Variants in VAPB observed in about 807,000 individuals in gnomAD.
VAPB encodes the protein VAMP associated protein B and C.
A neutral mutation model predicts 25.6 loss-of-function variants in VAPB; 7 were observed. The ratio of observed to expected loss-of-function variants is 0.27; its 90% CI spans 0.16 to 0.51. VAPB has a LOEUF of 0.51. Among genes scored for constraint, VAPB ranks in the 20% least tolerant of loss-of-function variants. The probability of loss-of-function intolerance (pLI) is 0.97; values close to 1 mark genes in which losing one functional copy is unlikely to be tolerated. For synonymous variants in VAPB, 112 were observed against 109.2 expected (o/e 1.03, Z -0.16); for missense variants, 266 against 301.3 (o/e 0.88, Z 0.87).
chr20:58,402,991 C>G (rs1988135626), intron 1 of VAPB, among the ~76,000 whole-genome samples: 1 of 152,004 alleles, frequency 6.6e-6, no homozygotes, highest in Non-Finnish European at 1.5e-5. Flanking sequence ...GGTGACAGAG[C>G]AAGACTGTAT....
chr20:58,433,023 T>G (rs1218322527), intron 2 of VAPB, among the ~76,000 whole-genome samples: 7 of 152,244 alleles, frequency 4.6e-5, no homozygotes, highest in African/African-American at 1.7e-4. Flanking sequence ...CCAGTGCATT[T>G]AAGTCCAATG....
intron 2 of VAPB, among the ~76,000 whole-genome samples, chr20:58,423,328 C>T (rs112862906): frequency 0.11 from 14,925 of 139,364 alleles, 905 homozygotes; most frequent in East Asian, 0.29. Context: ...AGGAGAATCA[C>T]TTGAGCCTGG....
intron 1 of VAPB, among the ~76,000 whole-genome samples, chr20:58,396,702 A>G (rs889564320): frequency 4.6e-5 from 7 of 152,240 alleles, no homozygotes; most frequent in African/African-American, 1.7e-4. Flanking sequence ...TGGCTGACAT[A>G]CATTTTGCAA....
chr20:58,406,129 A>G (rs1383398197), intron 1 of VAPB, among the ~76,000 whole-genome samples: 1 of 152,152 alleles, frequency 6.6e-6, no homozygotes, highest in African/African-American at 2.4e-5. Context: ...TGAGATGCTC[A>G]GTACACTTGC....
chr20:58,391,537 GT>G lies in VAPB; in HGVS notation c.58+2033del, dbSNP rs113514014. Among the ~76,000 whole-genome samples the G allele has an allele frequency of 5.9e-3, 856 of 145,540 alleles. 7 individuals are homozygous for G. The highest frequency in any genetic ancestry group is 0.018 in the African/African-American group (734 of 39,908). ...GGGCTCCTTTGGGATGCCACTAGTA[GT>G]TTTTTTTTTTTTGAGATAGAGTTCT... On this transcript the variant is annotated intron_variant, in intron 1 of 5. Transcript: ENST00000475243.
chr20:58,390,379 G>GTTTTTTTTT (rs11475188), intron 1 of VAPB: 1 of 133,376 alleles, frequency 7.5e-6, no homozygotes, highest in Non-Finnish European at 1.6e-5. Context: ...TGTTACTTTT[G>GTTTTTTTTT]TTTTTTTTTT....
At chr20:58,393,858 G>A (rs367662404) in intron 1 of VAPB, among the ~76,000 whole-genome samples, 11 of 152,150 alleles carry the variant, frequency 7.2e-5, no homozygotes, top group South Asian at 6.2e-4. Flanking sequence ...TCAGCCTCCC[G>A]AGTAGCTGGG....
At chr20:58,413,476 G>T (rs1194277532) in intron 1 of VAPB, among the ~76,000 whole-genome samples, 1 of 152,168 alleles carries the variant, frequency 6.6e-6, no homozygotes, top group Non-Finnish European at 1.5e-5. Flanking sequence ...TAAGGTCACC[G>T]ATCAACAGGA....
intron 2 of VAPB, 72 bp from the exon 3 acceptor site, chr20:58,434,530 A>G: frequency 1.2e-6 from 1 of 808,154 alleles, no homozygotes; most frequent in Non-Finnish European, 2.2e-6. Context: ...CAACCAAAGT[A>G]CAAGTATTAG....
chr20:58,404,604 G>A (rs1456197228), intron 1 of VAPB, among the ~76,000 whole-genome samples: 1 of 152,170 alleles, frequency 6.6e-6, no homozygotes, highest in African/African-American at 2.4e-5. Context: ...GTCCTTCAGT[G>A]ATGCATTTAA....
intron 2 of VAPB, among the ~76,000 whole-genome samples, chr20:58,421,667 C>T (rs1310657107): frequency 6.6e-6 from 1 of 150,978 alleles, no homozygotes; most frequent in Admixed American, 6.6e-5. Flanking sequence ...GGCTGTAAAT[C>T]ATTATTTTAA....
At position 58,413,694 on chromosome 20, in the gene VAPB, G is replaced by A. The variant is rs1415530034; in HGVS notation, c.59-4517G>A. On this transcript the variant is annotated intron_variant, in intron 1 of 5. Coordinates refer to ENST00000475243, the MANE Select transcript of VAPB (RefSeq NM_004738.5). ...CCAGACGGGGTGGTGGCCAGGCAGA[G>A]GGGCTCCTCACTTCCCAGTAGGGGC... Among the ~76,000 whole-genome samples the A allele has an allele frequency of 2.0e-5, 3 of 152,022 alleles. No individual in the cohort carries two copies. In the East Asian group the frequency reaches 5.9e-4, roughly 30 times the overall value.
At chr20:58,402,559 ACC>A (rs376662876) in intron 1 of VAPB, among the ~76,000 whole-genome samples, 16 of 77,802 alleles carry the variant, frequency 2.1e-4, no homozygotes, top group African/African-American at 6.8e-4. Context: ...AAGCCCCCCC[ACC>A]CTTTTTTTTT....
chr20:58,421,580 T>A (rs1397148982), intron 2 of VAPB, among the ~76,000 whole-genome samples: 1 of 152,162 alleles, frequency 6.6e-6, no homozygotes, highest in Non-Finnish European at 1.5e-5. Flanking sequence ...AAAGTGTCAC[T>A]ACATACCTGA....
intron 1 of VAPB, among the ~76,000 whole-genome samples, chr20:58,407,088 G>A (rs1042650001): frequency 6.6e-6 from 1 of 152,094 alleles, no homozygotes; most frequent in African/African-American, 2.4e-5. Context: ...TCTACTGCAC[G>A]ATAATATTAG....
intron 1 of VAPB, 147 bp from the exon 2 acceptor site, chr20:58,418,064 T>C: frequency 9.1e-7 from 1 of 1,102,406 alleles, no homozygotes; most frequent in Middle Eastern, 2.0e-4. Flanking sequence ...TGCATTAACC[T>C]CAGCTCATCT....
chr20:58,441,230 A>T (rs1211286457), intron 5 of VAPB, 147 bp downstream of exon 5: 4 of 847,258 alleles, frequency 4.7e-6, no homozygotes, highest in Non-Finnish European at 7.5e-6. Flanking sequence ...AGAAATTTCC[A>T]TGGCTTTCAT....
chr20:58,414,442 G>T lies in VAPB; in HGVS notation c.59-3769G>T, dbSNP rs1988479725. ...CACCCCTCAGACGGGGCAGCCGCCG[G>T]GCGGAGGGTCTCCCCACTCCTCAGA... is the stretch of plus-strand genomic sequence containing the variant. On this transcript the variant is annotated intron_variant, in intron 1 of 5. Coordinates refer to ENST00000475243, the MANE Select transcript of VAPB (RefSeq NM_004738.5). Among the ~76,000 whole-genome samples, 3 of 151,160 alleles carry T rather than the reference G, an allele frequency of 2.0e-5. No homozygotes were observed. The South Asian group carries it at 6.2e-4, about 31-fold the overall frequency.
At position 58,444,274 on chromosome 20, in the gene VAPB, C is replaced by T. The variant is rs1989224946; in HGVS notation, c.*39C>T. On this transcript the variant is annotated 3_prime_UTR_variant, in exon 6 of 6. Coordinates refer to ENST00000475243, the MANE Select transcript of VAPB (RefSeq NM_004738.5). ...AGGATGGTAAATTGGATTGGTGGAT[C>T]CACCATATCATGGGATTTAAATTTA... The T allele has an allele frequency of 6.2e-6, 10 of 1,613,786 alleles. No homozygotes were observed. The highest frequency in any genetic ancestry group is 4.0e-5 in the African/African-American group (3 of 75,004).
Sources: allele counts gnomAD v4.1 joint callset (sites outside exome capture counted in the v4.1 genomes callset), GRCh38; gene constraint gnomAD v4.1.1; transcripts MANE v1.5; gene names NCBI Gene and HGNC (gene_info 2026-07-23, HGNC 2026-07-21).